Variants in NPSR1 observed in about 807,000 individuals in gnomAD.
NPSR1 encodes the protein neuropeptide S receptor.
NPSR1 carries 48 observed loss-of-function variants against 46.9 expected under a neutral mutation model. That is an observed-to-expected ratio of 1.02 (90% confidence interval 0.81 to 1.30). NPSR1 has a LOEUF of 1.30. NPSR1 is among the 50% of genes most tolerant of loss of function. NPSR1 has a pLI of 0.00. For missense variants in NPSR1, 450 were observed against 449.5 expected (o/e 1.00, Z -0.01); for synonymous variants, 176 against 168.1 (o/e 1.05, Z -0.36).
intron 1 of NPSR1, among the ~76,000 whole-genome samples, chr7:34,665,811 TAC>T (rs974633580): frequency 2.0e-5 from 3 of 151,540 alleles, no homozygotes; most frequent in Non-Finnish European, 4.4e-5. Flanking sequence ...CACACACGCA[TAC>T]ACACACACCC....
At chr7:34,819,648 A>G (rs1001420442) in intron 4 of NPSR1, among the ~76,000 whole-genome samples, 2 of 152,246 alleles carry the variant, frequency 1.3e-5, no homozygotes, top group African/African-American at 4.8e-5. Context: ...ACTATTCACA[A>G]TAGCAAAGAC....
At chr7:34,787,702 T>C (rs997148093) in intron 3 of NPSR1, among the ~76,000 whole-genome samples, 9 of 152,088 alleles carry the variant, frequency 5.9e-5, no homozygotes, top group African/African-American at 1.9e-4. Flanking sequence ...TATTACTGTG[T>C]CTCAGAGAAT....
chr7:34,825,828 C>T (rs78086117), intron 4 of NPSR1, among the ~76,000 whole-genome samples: 39,098 of 151,928 alleles, frequency 0.26, 5,178 homozygotes, highest in Non-Finnish European at 0.3. Context: ...ACCCCAGCTC[C>T]AGAGAGACCC....
At chr7:34,663,067 C>CTCTCTCTCTG (rs35826710) in intron 1 of NPSR1, among the ~76,000 whole-genome samples, 25 of 99,426 alleles carry the variant, frequency 2.5e-4, no homozygotes, top group African/African-American at 1.2e-3. Flanking sequence ...CTCTCTCTCT[C>CTCTCTCTCTG]TGTGTGTGTG....
chr7:34,735,580 G>T (rs1398569950), intron 2 of NPSR1, among the ~76,000 whole-genome samples: 2 of 152,238 alleles, frequency 1.3e-5, no homozygotes, highest in African/African-American at 4.8e-5. Flanking sequence ...AGAGCTATCT[G>T]CTCAGAATCC....
At chr7:34,838,033 C>T (rs924186220) in intron 6 of NPSR1, among the ~76,000 whole-genome samples, 4 of 152,134 alleles carry the variant, frequency 2.6e-5, no homozygotes, top group Admixed American at 1.3e-4. Context: ...CTCCTCCCTG[C>T]TTGTCCCTCT....
chr7:34,690,508 C>G (rs543689976), intron 2 of NPSR1, among the ~76,000 whole-genome samples: 2 of 152,086 alleles, frequency 1.3e-5, no homozygotes, highest in African/African-American at 4.8e-5. Flanking sequence ...GAAAACAATT[C>G]AGGACATGCA....
chr7:34,664,275 C>T (rs894316837), intron 1 of NPSR1, among the ~76,000 whole-genome samples: 1 of 152,126 alleles, frequency 6.6e-6, no homozygotes, highest in Non-Finnish European at 1.5e-5. Flanking sequence ...TTACTTCCAC[C>T]GGTGTCTCAG....
At chr7:34,799,146 T>C (rs1237153391) in intron 3 of NPSR1, among the ~76,000 whole-genome samples, 1 of 152,166 alleles carries the variant, frequency 6.6e-6, no homozygotes. Flanking sequence ...TTAAATTTTC[T>C]CTGCAGAGTA....
At position 34,745,810 on chromosome 7, in the gene NPSR1, G is replaced by A. The variant is rs147435072; in HGVS notation, c.281-32652G>A. On this transcript the variant is annotated intron_variant, in intron 2 of 8. Coordinates refer to ENST00000360581, the MANE Select transcript of NPSR1 (RefSeq NM_207172.2). Reference sequence around the variant, plus strand: ...ATTACAGGTGTGAGCCACCATCTCCGGCCTATTTTTAAATATTATGTAATA... The same window carrying A: ...ATTACAGGTGTGAGCCACCATCTCCAGCCTATTTTTAAATATTATGTAATA... 7.5e-4 allele frequency among the ~76,000 whole-genome samples: 114 copies of A among 152,214 alleles called. 3 individuals are homozygous for A. The East Asian group carries it at 0.017, about 22-fold the overall frequency.
intron 3 of NPSR1, among the ~76,000 whole-genome samples, chr7:34,808,765 AT>A (rs1418185330): frequency 1.3e-5 from 2 of 151,694 alleles, no homozygotes; most frequent in Non-Finnish European, 2.9e-5. Flanking sequence ...TTGAATCACA[AT>A]TTTTTTTCAA....
In NPSR1 at chr7:34,844,885, T is replaced by G. The variant is rs1790690513; in HGVS notation, c.758-11T>G. ...ACACTTCATCTTACTATTCCCCTCTTGTATCTACAGATGGGAAACTGTGCA... is the reference window on the plus strand; with the variant it reads ...ACACTTCATCTTACTATTCCCCTCTGGTATCTACAGATGGGAAACTGTGCA... On this transcript the variant is annotated splice_polypyrimidine_tract_variant and intron_variant, in intron 6 of 8. Coordinates refer to ENST00000360581, the MANE Select transcript of NPSR1 (RefSeq NM_207172.2). The G allele has an allele frequency of 3.3e-6, 5 of 1,537,808 alleles. No homozygotes were observed. The highest frequency in any genetic ancestry group is 1.7e-4 in the Middle Eastern group (1 of 5,900).
intron 4 of NPSR1, among the ~76,000 whole-genome samples, chr7:34,822,195 A>G (rs1171893374): frequency 6.6e-6 from 1 of 152,196 alleles, no homozygotes; most frequent in East Asian, 1.9e-4. Context: ...AGGAAGCCCA[A>G]CGCGGGAGTC....
rs113601042 is a variant in NPSR1, at chr7:34,733,318, C to T, written c.281-45144C>T. Among the ~76,000 whole-genome samples, 143 of 151,332 alleles carry T rather than the reference C, an allele frequency of 9.4e-4. 1 individual carries two copies. The highest frequency in any genetic ancestry group is 3.4e-3 in the African/African-American group (139 of 41,174). ...GCCTGTAATCCCAGCTACTGGGAGGCTAAGGCAGGAGAATTGCTTGAACTC... is the reference window on the plus strand; with the variant it reads ...GCCTGTAATCCCAGCTACTGGGAGGTTAAGGCAGGAGAATTGCTTGAACTC... On this transcript the variant is annotated intron_variant, in intron 2 of 8. Transcript: ENST00000360581.
At chr7:34,823,776 G>T (rs1789689088) in intron 4 of NPSR1, among the ~76,000 whole-genome samples, 1 of 152,006 alleles carries the variant, frequency 6.6e-6, no homozygotes, top group Admixed American at 6.6e-5. Context: ...GATAAAATTG[G>T]AGTACAGTAT....
intron 2 of NPSR1, chr7:34,751,465 C>T (rs1479150158): frequency 8.7e-7 from 1 of 1,153,032 alleles, no homozygotes; most frequent in Admixed American, 1.7e-5. Flanking sequence ...CTTGCAGAAG[C>T]CGCGGATTAG....
intron 1 of NPSR1, among the ~76,000 whole-genome samples, chr7:34,681,686 G>A (rs1792643017): frequency 1.3e-5 from 2 of 152,150 alleles, no homozygotes. Context: ...TGACCCACTA[G>A]AGCTGTGAAC....
At chr7:34,796,539 A>C (rs1456935983) in intron 3 of NPSR1, among the ~76,000 whole-genome samples, 1 of 152,198 alleles carries the variant, frequency 6.6e-6, no homozygotes, top group Non-Finnish European at 1.5e-5. Flanking sequence ...TCACCAAAAA[A>C]TTACACAGAA....
chr7:34,696,334 A>C (rs988436117), intron 2 of NPSR1, among the ~76,000 whole-genome samples: 1 of 152,100 alleles, frequency 6.6e-6, no homozygotes, highest in Non-Finnish European at 1.5e-5. Context: ...GAGGTGAATA[A>C]GAGTTGAAAA....
Sources: allele counts gnomAD v4.1 joint callset (sites outside exome capture counted in the v4.1 genomes callset), GRCh38; gene constraint gnomAD v4.1.1; transcripts MANE v1.5; gene names NCBI Gene and HGNC (gene_info 2026-07-23, HGNC 2026-07-21).